The following BEND6 variants were observed in gnomAD, a reference collection of about 807,000 sequenced individuals.
BEND6 encodes BEN domain-containing protein 6.
A neutral mutation model predicts 31.8 loss-of-function variants in BEND6; 24 were observed. The ratio of observed to expected loss-of-function variants is 0.75; its 90% CI spans 0.55 to 1.06. The LOEUF (loss-of-function observed/expected upper bound fraction) is 1.06, where lower values mean the gene tolerates loss of function less well. Ranked by LOEUF, BEND6 falls within the 50% of genes least tolerant of loss-of-function variation. BEND6 has a pLI of 0.00. For synonymous variants in BEND6, 109 were observed against 114.6 expected, an observed-to-expected ratio of 0.95 and a Z score of 0.31; for missense variants, 294 against 327.4, an observed-to-expected ratio of 0.90 and a Z score of 0.79.
At chr6:56,976,340 C>T (rs142099891) in intron 1 of BEND6, among the ~76,000 whole-genome samples, 1,599 of 150,484 alleles carry the variant, frequency 0.011, 30 homozygotes, top group African/African-American at 0.037. Flanking sequence ...GGACTACAGG[C>T]GCCCGCCACC....
At chr6:56,976,341 G>A (rs191068502) in intron 1 of BEND6, among the ~76,000 whole-genome samples, 106 of 151,324 alleles carry the variant, frequency 7.0e-4, no homozygotes, top group African/African-American at 2.3e-3. Flanking sequence ...GACTACAGGC[G>A]CCCGCCACCA....
Position 57,026,939 on chromosome 6 carries a change from G to A in BEND6, c.*867G>A, listed in dbSNP as rs188535800. On this transcript the variant is annotated 3_prime_UTR_variant, in exon 7 of 7. Coordinates refer to ENST00000370746, the MANE Select transcript of BEND6 (RefSeq NM_152731.3). ...GATATAACATGATAGATAGTTGGTCGATTACATTGCTATACTGCTTAGTTT... is the reference window on the plus strand; with the variant it reads ...GATATAACATGATAGATAGTTGGTCAATTACATTGCTATACTGCTTAGTTT... 2.0e-4 allele frequency: 31 copies of A among 152,182 alleles called. No homozygotes were observed. In the East Asian group the frequency reaches 5.4e-3, roughly 27 times the overall value. 9.4% of individuals were successfully genotyped at this position (152,182 alleles called of 1,614,324 possible).
chr6:57,021,833 ATGG>A (rs1488510576), intron 6 of BEND6, among the ~76,000 whole-genome samples: 3 of 152,258 alleles, frequency 2.0e-5, no homozygotes, highest in Admixed American at 1.3e-4. Flanking sequence ...TGGTGCTAAA[ATGG>A]TGGGGGGCGG....
At chr6:57,018,393 C>T in intron 5 of BEND6, 28 bp from the exon 6 acceptor site, 1 of 1,567,550 alleles carries the variant, frequency 6.4e-7, no homozygotes, top group Non-Finnish European at 8.6e-7. Context: ...CATGAAGTTT[C>T]TCATGTGTCG....
chr6:56,978,911 CACTT>C (rs1304837736), intron 1 of BEND6, among the ~76,000 whole-genome samples: 6 of 152,246 alleles, frequency 3.9e-5, no homozygotes, highest in South Asian at 2.1e-4. Flanking sequence ...ACAAGACAAG[CACTT>C]ACAGCAAAAC....
At chr6:56,956,819 G>T (rs1249619261) in intron 1 of BEND6, among the ~76,000 whole-genome samples, 1 of 152,196 alleles carries the variant, frequency 6.6e-6, no homozygotes, top group Admixed American at 6.5e-5. Context: ...TTATGCAGAG[G>T]TTATTGAAGA....
chr6:56,959,961 GCATTACAGA>G (rs1825231469), intron 1 of BEND6, among the ~76,000 whole-genome samples: 1 of 152,128 alleles, frequency 6.6e-6, no homozygotes, highest in African/African-American at 2.4e-5. Context: ...GGGTGTGTGA[GCATTACAGA>G]CTTTTCAAAA....
rs777890465 is a variant in BEND6 at position 57,015,224 on chromosome 6, C to T, written c.390C>T (p.Ser130=). The T allele has an allele frequency of 1.1e-5, 18 of 1,614,138 alleles. No homozygotes were observed. The East Asian group carries it at 1.6e-4, about 14-fold the overall frequency. ...KGGGTMSTSA[S]TLWRATNNSS... Reference sequence around the variant, plus strand: ...GGGGAACCATGTCTACATCTGCATCCACCCTCTGGAGAGCAACAAACAACT... The same window carrying T: ...GGGGAACCATGTCTACATCTGCATCTACCCTCTGGAGAGCAACAAACAACT... Residue 130 remains serine, a synonymous_variant, in exon 4 of 7, where the codon TCC becomes TCT. Transcript: ENST00000370746.
chr6:56,992,867 A>C (rs1562908), intron 3 of BEND6, among the ~76,000 whole-genome samples: 108,737 of 151,704 alleles, frequency 0.72, 39,686 homozygotes, highest in South Asian at 0.89. Context: ...CCCTAGAGAC[A>C]AAAGATTATT....
chr6:56,965,241 A>C (rs1825430875), intron 1 of BEND6, among the ~76,000 whole-genome samples: 1 of 152,180 alleles, frequency 6.6e-6, no homozygotes, highest in Non-Finnish European at 1.5e-5. Context: ...TATCAGAGTA[A>C]GGAGAGAAAT....
chr6:56,971,100 A>G (rs1825672853), intron 1 of BEND6, among the ~76,000 whole-genome samples: 1 of 152,146 alleles, frequency 6.6e-6, no homozygotes, highest in Non-Finnish European at 1.5e-5. Context: ...TACAAAACTG[A>G]ACCTCTGTGC....
At chr6:57,010,877 AAAATT>A (rs1259457089) in intron 3 of BEND6, 1 of 675,058 alleles carries the variant, frequency 1.5e-6, no homozygotes, top group African/African-American at 2.0e-5. Context: ...AAAATGTTAT[AAAATT>A]AAAAGATAAA....
At chr6:56,985,350 TAGTA>T (rs879788318) in intron 2 of BEND6, among the ~76,000 whole-genome samples, 35 of 152,168 alleles carry the variant, frequency 2.3e-4, no homozygotes, top group African/African-American at 5.5e-4. Context: ...TCTTACCTAA[TAGTA>T]AGAGCAGTTT....
intron 1 of BEND6, among the ~76,000 whole-genome samples, chr6:56,966,522 C>T (rs1401157017): frequency 6.6e-6 from 1 of 152,194 alleles, no homozygotes; most frequent in East Asian, 1.9e-4. Context: ...TAGAGTCCCT[C>T]TGAATTTTGC....
intron 3 of BEND6, among the ~76,000 whole-genome samples, chr6:57,007,976 C>T (rs959301535): frequency 6.6e-6 from 1 of 152,116 alleles, no homozygotes; most frequent in African/African-American, 2.4e-5. Context: ...CAAAGTGTTG[C>T]AATTTTCTTA....
At chr6:56,963,017 A>G (rs1050482569) in intron 1 of BEND6, among the ~76,000 whole-genome samples, 1 of 152,162 alleles carries the variant, frequency 6.6e-6, no homozygotes. Flanking sequence ...TTCCTATTTT[A>G]TGGATGGGAA....
At chr6:56,997,968 T>G (rs977584059) in intron 3 of BEND6, among the ~76,000 whole-genome samples, 14 of 150,744 alleles carry the variant, frequency 9.3e-5, no homozygotes, top group African/African-American at 3.2e-4. Flanking sequence ...AGCGTGTGTG[T>G]GGGGGTGGGG....
intron 1 of BEND6, among the ~76,000 whole-genome samples, chr6:56,960,652 T>C (rs1825256914): frequency 6.6e-6 from 1 of 152,214 alleles, no homozygotes; most frequent in African/African-American, 2.4e-5. Context: ...TGCTAATGCA[T>C]CAATGCACTC....
chr6:56,974,987 C>T lies in BEND6; in HGVS notation c.-100-6724C>T, dbSNP rs375147545. Among the ~76,000 whole-genome samples, 20 of 151,972 alleles carry T rather than the reference C, an allele frequency of 1.3e-4. No homozygotes were observed. The East Asian group carries it at 2.3e-3, about 18-fold the overall frequency. The stretch of plus-strand genomic sequence containing the variant: ...ATACAAAATTAGTCGGGCATGATGG[C>T]GGGTGCCTGTAATCCAAGCTACTTG... On this transcript the variant is annotated intron_variant, in intron 1 of 6. Transcript: ENST00000370746.
Sources: gnomAD v4.1 joint callset for allele counts (sites outside exome capture counted in the v4.1 genomes callset) on GRCh38, gnomAD v4.1.1 for gene constraint, MANE v1.5 for transcripts, NCBI Gene and HGNC (gene_info 2026-07-23, HGNC 2026-07-21) for gene names.